Variants in SLC9A8 observed in about 807,000 individuals in gnomAD.
SLC9A8 encodes sodium/hydrogen exchanger 8.
In SLC9A8, 48 loss-of-function variants were observed where a neutral mutation model predicts 66.6. That is an observed-to-expected ratio of 0.72 (90% CI 0.57 to 0.92). SLC9A8 has a LOEUF of 0.92. Among genes scored for constraint, SLC9A8 ranks in the 40% least tolerant of loss-of-function variants. The pLI is 0.00. For missense variants in SLC9A8, 599 were observed against 747.3 expected, an observed-to-expected ratio of 0.80 and a Z score of 2.31; for synonymous variants, 274 against 282.6, an observed-to-expected ratio of 0.97 and a Z score of 0.31.
At chr20:49,813,063 GC>G in intron 1 of SLC9A8, 115 bp downstream of exon 1, 1 of 738,370 alleles carries the variant, frequency 1.4e-6, no homozygotes, top group Non-Finnish European at 1.9e-6. Flanking sequence ...TTGCTGGTTG[GC>G]CAGGACTGAC....
intron 2 of SLC9A8, among the ~76,000 whole-genome samples, chr20:49,817,367 G>A (rs992005076): frequency 2.0e-5 from 3 of 150,688 alleles, no homozygotes; most frequent in Non-Finnish European, 4.4e-5. Flanking sequence ...AGTGAAACAA[G>A]CATTTCATTT....
chr20:49,863,549 A>G (rs937292377), intron 9 of SLC9A8, among the ~76,000 whole-genome samples: 1 of 151,884 alleles, frequency 6.6e-6, no homozygotes, highest in South Asian at 2.1e-4. Context: ...GTGAGACCTC[A>G]TCTCTAAAAA....
chr20:49,832,260 A>G (rs1426159014), intron 3 of SLC9A8, among the ~76,000 whole-genome samples: 2 of 152,028 alleles, frequency 1.3e-5, no homozygotes, highest in East Asian at 3.8e-4. Context: ...TCAGCTCTTG[A>G]TATGGAAATG....
chr20:49,864,394 C>T (rs1359455925), intron 9 of SLC9A8, among the ~76,000 whole-genome samples: 2 of 152,188 alleles, frequency 1.3e-5, no homozygotes, highest in East Asian at 1.9e-4. Context: ...GTGAGCTGTC[C>T]TTGGTGTGTC....
Position 49,890,091 on chromosome 20 carries a change from G to A in SLC9A8, c.*2155G>A, listed in dbSNP as rs2090007702. 1 of 152,138 alleles carries A rather than the reference G, an allele frequency of 6.6e-6. No individual in the cohort carries two copies. Among genetic ancestry groups the A allele is most frequent in the African/African-American group, 2.4e-5 (1 of 41,410 alleles). The allele number at this position is 152,138 out of a possible 1,614,324, so 9.4% of individuals were successfully genotyped here. On this transcript the variant is annotated 3_prime_UTR_variant, in exon 16 of 16. Coordinates refer to ENST00000361573, the MANE Select transcript of SLC9A8 (RefSeq NM_015266.3). ...GCCCCAGGATTTGTTGGGGGCAAAGGGGGTGGCGGGACCGTTCCCAGGAGG... is the reference window on the plus strand; with the variant it reads ...GCCCCAGGATTTGTTGGGGGCAAAGAGGGTGGCGGGACCGTTCCCAGGAGG...
intron 3 of SLC9A8, among the ~76,000 whole-genome samples, chr20:49,832,180 A>C (rs2087230964): frequency 6.6e-6 from 1 of 152,036 alleles, no homozygotes; most frequent in African/African-American, 2.4e-5. Context: ...TGGAGACAGT[A>C]TTTCTTTCTG....
At chr20:49,835,679 C>CTTTTTTTTTTTT (rs34461954) in intron 3 of SLC9A8, among the ~76,000 whole-genome samples, 1 of 71,960 alleles carries the variant, frequency 1.4e-5, no homozygotes, top group African/African-American at 6.1e-5. Flanking sequence ...ACACAATTCA[C>CTTTTTTTTTTTT]TTTTTTTTTT....
intron 11 of SLC9A8, 38 bp downstream of exon 11, chr20:49,874,859 C>A: frequency 7.4e-7 from 1 of 1,356,028 alleles, no homozygotes. Context: ...GCAGGCCCAC[C>A]CAGAGCTGAT....
chr20:49,833,635 G>A (rs2087306268), intron 3 of SLC9A8, among the ~76,000 whole-genome samples: 1 of 152,130 alleles, frequency 6.6e-6, no homozygotes, highest in Non-Finnish European at 1.5e-5. Context: ...TGTGTCTTTA[G>A]CATGATGAGA....
chr20:49,842,059 A>AT (rs201138846), intron 4 of SLC9A8, among the ~76,000 whole-genome samples: 15,261 of 142,226 alleles, frequency 0.11, 882 homozygotes, highest in African/African-American at 0.15. Context: ...ATTTTATTTT[A>AT]TTTTTTTTTT....
At chr20:49,856,273 C>T (rs913019886) in intron 8 of SLC9A8, among the ~76,000 whole-genome samples, 4 of 152,082 alleles carry the variant, frequency 2.6e-5, no homozygotes, top group Non-Finnish European at 4.4e-5. Context: ...TATGATGAAG[C>T]GGCCTGTTCA....
chr20:49,873,871 A>G (rs1023483827), intron 10 of SLC9A8, among the ~76,000 whole-genome samples: 1 of 151,432 alleles, frequency 6.6e-6, no homozygotes, highest in Admixed American at 6.6e-5. Flanking sequence ...CCACCCTTAT[A>G]TAGTCATCCC....
chr20:49,846,946 CTT>C (rs1409452825), intron 5 of SLC9A8, among the ~76,000 whole-genome samples: 1 of 151,958 alleles, frequency 6.6e-6, no homozygotes, highest in Non-Finnish European at 1.5e-5. Flanking sequence ...TAAAAATAAA[CTT>C]AATTTGTTGT....
intron 4 of SLC9A8, 150 bp from the exon 5 acceptor site, chr20:49,844,886 C>T (rs1028210614): frequency 1.5e-5 from 6 of 392,186 alleles, no homozygotes; most frequent in Non-Finnish European, 2.8e-5. Context: ...TCTCATTCTG[C>T]TTGATTTTAT....
chr20:49,861,607 C>T (rs967894449), intron 8 of SLC9A8, among the ~76,000 whole-genome samples: 1 of 151,758 alleles, frequency 6.6e-6, no homozygotes, highest in African/African-American at 2.4e-5. Context: ...TGTAGGAAGG[C>T]AAGGATGTCT....
intron 9 of SLC9A8, among the ~76,000 whole-genome samples, chr20:49,864,251 T>C (rs2088871669): frequency 6.6e-6 from 1 of 152,152 alleles, no homozygotes; most frequent in African/African-American, 2.4e-5. Context: ...CGAACCTCAG[T>C]TTGAACAGCG....
intron 3 of SLC9A8, among the ~76,000 whole-genome samples, chr20:49,833,419 A>T (rs1015005109): frequency 6.6e-6 from 1 of 152,246 alleles, no homozygotes; most frequent in Non-Finnish European, 1.5e-5. Context: ...TTGCACAATT[A>T]ACAAAACTAC....
chr20:49,851,182 G>A (rs747386891), intron 7 of SLC9A8, among the ~76,000 whole-genome samples: 1 of 152,156 alleles, frequency 6.6e-6, no homozygotes, highest in Non-Finnish European at 1.5e-5. Flanking sequence ...TTCAGTCGCC[G>A]TAACAAAAAG....
In SLC9A8 at chr20:49,852,467, TC is replaced by T. The variant is rs573514683; in HGVS notation, c.569+1624del. 7.9e-5 allele frequency among the ~76,000 whole-genome samples: 12 copies of T among 152,306 alleles called. No individual in the cohort carries two copies. The South Asian group carries it at 2.5e-3, about 32-fold the overall frequency. On this transcript the variant is annotated intron_variant, in intron 7 of 15. Coordinates refer to ENST00000361573, the MANE Select transcript of SLC9A8 (RefSeq NM_015266.3). The stretch of plus-strand genomic sequence containing the variant: ...CACTGTAGAAAACATAAAAATAACT[TC>T]GTTGCACACGTTTTGTTTTGTTCTA...
Sources: gnomAD v4.1 joint callset for allele counts (sites outside exome capture counted in the v4.1 genomes callset) on GRCh38, gnomAD v4.1.1 for gene constraint, MANE v1.5 for transcripts, NCBI Gene and HGNC (gene_info 2026-07-23, HGNC 2026-07-21) for gene names.